The following PVALEF variants were observed in gnomAD, a reference collection of about 807,000 sequenced individuals.
PVALEF encodes the protein parvalbumin-like EF-hand-containing protein.
Under a neutral mutation model 1.2 loss-of-function variants are expected in PVALEF, and 2 were observed. The observed-to-expected ratio is 1.68, with a 90% CI of 0.69 to 5.28. The LOEUF (loss-of-function observed/expected upper bound fraction) is 5.28, where lower values mean the gene tolerates loss of function less well. Ranked by LOEUF, PVALEF falls within the 30% of genes most tolerant of loss-of-function variation. PVALEF has a pLI of 0.06. For missense variants in PVALEF, 35 were observed against 17.7 expected, an observed-to-expected ratio of 1.97 and a Z score of -1.75; for synonymous variants, 16 against 6.5, an observed-to-expected ratio of 2.47 and a Z score of -2.24.
rs1598240534 is a variant in PVALEF, at chr17:81,165,596, A to AC, written c.-653dup. On this transcript the variant is annotated 5_prime_UTR_variant, in exon 1 of 7. The change creates a premature stop within an existing upstream ORF in the 5' untranslated region. Transcript: ENST00000637878. ...AAAGCCTGAACCCCAGCTGGCTGACACCCCCCACACCCCCAAGGGCCCTTA... is the reference window on the plus strand; with the variant it reads ...AAAGCCTGAACCCCAGCTGGCTGACACCCCCCCACACCCCCAAGGGCCCTTA... 2.9e-6 allele frequency: 4 copies of AC among 1,369,378 alleles called. No individual in the cohort carries two copies. Among genetic ancestry groups the AC allele is most frequent in the East Asian group, 3.5e-5 (1 of 28,412 alleles). The allele number at this position is 1,369,378 out of a possible 1,614,324, so 84.8% of individuals were successfully genotyped here.
chr17:81,179,064 G>C lies in PVALEF; in HGVS notation c.-193G>C, dbSNP rs1032308011. On this transcript the variant is annotated 5_prime_UTR_variant, in exon 3 of 7. Transcript: ENST00000637878. The stretch of plus-strand genomic sequence containing the variant: ...AGCTGCAGCCCCGAGATGTAAACAG[G>C]CTTGCAGGTATAAAAGCTGGAGCCC... 2.9e-5 allele frequency: 13 copies of C among 455,054 alleles called. No homozygotes were observed. Among genetic ancestry groups the C allele is most frequent in the Non-Finnish European group, 5.3e-5 (12 of 225,412 alleles). The allele number at this position is 455,054 out of a possible 1,614,324, so 28.2% of individuals were successfully genotyped here.
rs1445801235 is a variant in PVALEF at position 81,170,507 on chromosome 17, T to A, written c.-340+3663T>A. On this transcript the variant is annotated intron_variant, in intron 2 of 6. Transcript: ENST00000637878. ...AGGTCCCAATTCACAGGTATCAGGG[T>A]CAGGACTTGAACATATTTTGGGGGG... Among the ~76,000 whole-genome samples the A allele has an allele frequency of 2.6e-5, 4 of 151,896 alleles. No individual in the cohort carries two copies. The East Asian group carries it at 7.7e-4, about 29-fold the overall frequency.
At position 81,165,606 on chromosome 17, in the gene PVALEF, C is replaced by T. The variant is rs1035312894; in HGVS notation, c.-649C>T. On this transcript the variant is annotated 5_prime_UTR_variant, in exon 1 of 7. Coordinates refer to ENST00000637878, the MANE Select transcript of PVALEF (RefSeq NM_001354639.2). ...CCCCAGCTGGCTGACACCCCCCACA[C>T]CCCCAAGGGCCCTTAGTCTGAGACC... 2.0e-5 allele frequency: 28 copies of T among 1,406,052 alleles called. No homozygotes were observed. The highest frequency in any genetic ancestry group is 2.2e-5 in the Non-Finnish European group (23 of 1,061,666). 87.1% of individuals were successfully genotyped at this position (1,406,052 alleles called of 1,614,324 possible).
At chr17:81,178,844 G>A (rs1598250902) in intron 2 of PVALEF, 74 bp from the exon 3 acceptor site, 1 of 229,226 alleles carries the variant, frequency 4.4e-6, no homozygotes, top group East Asian at 1.5e-4. Flanking sequence ...TCCAGCTGCT[G>A]TCTGCCCAGC....
chr17:81,166,135 C>A, intron 1 of PVALEF: 1 of 300,746 alleles, frequency 3.3e-6, no homozygotes, highest in Non-Finnish European at 4.8e-6. Context: ...CCCGCCGCAG[C>A]CGCAGAGCCC....
intron 2 of PVALEF, among the ~76,000 whole-genome samples, chr17:81,177,563 GA>G (rs1001842335): frequency 2.9e-4 from 40 of 137,308 alleles, no homozygotes; most frequent in African/African-American, 5.9e-4. Context: ...CAATAAAAAA[GA>G]AAAAAAAAAG....
intron 2 of PVALEF, among the ~76,000 whole-genome samples, chr17:81,174,930 CAG>C (rs1334733979): frequency 1.5e-5 from 2 of 134,360 alleles, no homozygotes; most frequent in African/African-American, 5.5e-5. Flanking sequence ...GCCTGGGTGA[CAG>C]AGTGAGACTC....
At chr17:81,178,617 C>T (rs978926566) in intron 2 of PVALEF, among the ~76,000 whole-genome samples, 2 of 152,104 alleles carry the variant, frequency 1.3e-5, no homozygotes, top group Non-Finnish European at 2.9e-5. Flanking sequence ...AGCACCCACT[C>T]GGCTGCCCCT....
chr17:81,180,970 C>T (rs1354396817), intron 3 of PVALEF, among the ~76,000 whole-genome samples, 153 bp from the exon 4 acceptor site: 2 of 152,172 alleles, frequency 1.3e-5, no homozygotes, highest in African/African-American at 4.8e-5. Context: ...GGTCACAAGG[C>T]GCTGCCGTGA....
chr17:81,166,498 G>C (rs2061493074), intron 1 of PVALEF, among the ~76,000 whole-genome samples, 179 bp from the exon 2 acceptor site: 1 of 57,108 alleles, frequency 1.8e-5, no homozygotes, highest in Admixed American at 1.6e-4. Flanking sequence ...GGGCACGGAG[G>C]CTGGCGGGGG....
chr17:81,176,364 C>T (rs1458919034), intron 2 of PVALEF, among the ~76,000 whole-genome samples: 1 of 151,874 alleles, frequency 6.6e-6, no homozygotes, highest in Non-Finnish European at 1.5e-5. Flanking sequence ...ACTAAAAATA[C>T]AAAAATTAGC....
At chr17:81,173,883 C>T (rs2061528455) in intron 2 of PVALEF, among the ~76,000 whole-genome samples, 1 of 152,176 alleles carries the variant, frequency 6.6e-6, no homozygotes, top group South Asian at 2.1e-4. Context: ...CTCATGAACA[C>T]AGATTCAAAA....
At chr17:81,175,351 A>T (rs865867871) in intron 2 of PVALEF, among the ~76,000 whole-genome samples, 3 of 152,248 alleles carry the variant, frequency 2.0e-5, no homozygotes, top group Admixed American at 6.5e-5. Context: ...TAGTGTTAAG[A>T]TGTCAGTATT....
Position 81,165,759 on chromosome 17 carries a change from G to A in PVALEF, c.-508+12G>A. 26 of 1,519,686 alleles carry A rather than the reference G, an allele frequency of 1.7e-5. No homozygotes were observed. Among genetic ancestry groups the A allele is most frequent in the Middle Eastern group, 1.8e-4 (1 of 5,646 alleles). 94.1% of individuals were successfully genotyped at this position (1,519,686 alleles called of 1,614,324 possible). ...ACAGGCGGAGGCCGGTTTGTGCTGG[G>A]GCCCAGGGCCTGCCCCTCCGAGATC... On this transcript the variant is annotated intron_variant, in intron 1 of 6. Coordinates refer to ENST00000637878, the MANE Select transcript of PVALEF (RefSeq NM_001354639.2).
At chr17:81,182,847 C>A (rs1465502559) in intron 6 of PVALEF, 118 bp from the exon 7 acceptor site, 1 of 395,094 alleles carries the variant, frequency 2.5e-6, no homozygotes, top group East Asian at 3.6e-5. Flanking sequence ...GGGGACAGGA[C>A]CCCCTGGACT....
chr17:81,166,104 C>T (rs1282738595), intron 1 of PVALEF: 1 of 571,986 alleles, frequency 1.7e-6, no homozygotes, highest in Non-Finnish European at 2.2e-6. Flanking sequence ...CGGAGCGCGC[C>T]GGCCCCCGCG....
In PVALEF at chr17:81,182,087, G is replaced by A. The variant is rs1413773527; in HGVS notation, c.358+6G>A. The A allele has an allele frequency of 1.3e-5, 5 of 398,636 alleles. No homozygotes were observed. Among genetic ancestry groups the A allele is most frequent in the Non-Finnish European group, 2.2e-5 (5 of 226,174 alleles). 24.7% of individuals were successfully genotyped at this position (398,636 alleles called of 1,614,324 possible). A position where few individuals can be genotyped will look rare whatever the true frequency, so the allele number is the denominator to read the frequency against. On this transcript the variant is annotated splice_donor_region_variant and intron_variant, in intron 6 of 6. Transcript: ENST00000637878. ...CGGGAGGATCAACTACGAAGGTGGGGGCAGCACAGCCGGGGCACCCTCAGG... is the reference window on the plus strand; with the variant it reads ...CGGGAGGATCAACTACGAAGGTGGGAGCAGCACAGCCGGGGCACCCTCAGG...
intron 6 of PVALEF, among the ~76,000 whole-genome samples, chr17:81,182,409 C>T (rs561620807): frequency 6.6e-6 from 1 of 152,350 alleles, no homozygotes; most frequent in South Asian, 2.1e-4. Flanking sequence ...CACCCCCACA[C>T]AACCCCAGTG....
intron 1 of PVALEF, chr17:81,166,021 G>C: frequency 1.3e-6 from 2 of 1,529,890 alleles, no homozygotes; most frequent in Non-Finnish European, 1.8e-6. Context: ...CGGGCATCCC[G>C]GGAGGGCGCT....
Sources: gnomAD v4.1 joint callset for allele counts (sites outside exome capture counted in the v4.1 genomes callset) on GRCh38, gnomAD v4.1.1 for gene constraint, MANE v1.5 for transcripts, NCBI Gene and HGNC (gene_info 2026-07-23, HGNC 2026-07-21) for gene names.